FNDC3A: variants seen among roughly 807,000 people sequenced by gnomAD.
FNDC3A encodes fibronectin type-III domain-containing protein 3A.
FNDC3A carries 32 observed loss-of-function variants against 148.9 expected under a neutral mutation model. The ratio of observed to expected loss-of-function variants is 0.21; its 90% CI spans 0.16 to 0.29. The LOEUF (loss-of-function observed/expected upper bound fraction) is 0.29, where lower values mean the gene tolerates loss of function less well. Ranked by LOEUF, FNDC3A falls within the 10% of genes least tolerant of loss-of-function variation. The pLI, the probability that FNDC3A is intolerant of heterozygous loss-of-function variation, is 1.00. For synonymous variants in FNDC3A, 472 were observed against 473.6 expected (o/e 1.00, Z 0.04); for missense variants, 1,191 against 1,452.8 (o/e 0.82, Z 2.93).
intron 8 of FNDC3A, among the ~76,000 whole-genome samples, chr13:49,162,344 C>A (rs61192069): frequency 6.6e-6 from 1 of 152,136 alleles, no homozygotes; most frequent in Non-Finnish European, 1.5e-5. Context: ...CTTCTCACTT[C>A]ATTTCATTAA....
intron 23 of FNDC3A, among the ~76,000 whole-genome samples, chr13:49,200,726 G>T (rs1886383291): frequency 6.6e-6 from 1 of 152,004 alleles, no homozygotes; most frequent in South Asian, 2.1e-4. Context: ...GCCTTTGGTT[G>T]TGGAAAATAA....
chr13:48,990,240 C>A (rs1287535342), intron 1 of FNDC3A, among the ~76,000 whole-genome samples: 2 of 151,652 alleles, frequency 1.3e-5, no homozygotes, highest in South Asian at 4.2e-4. Flanking sequence ...ATAAAGATTT[C>A]AAATATACAA....
At chr13:49,016,309 A>G (rs1224951452) in intron 2 of FNDC3A, among the ~76,000 whole-genome samples, 5 of 152,032 alleles carry the variant, frequency 3.3e-5, no homozygotes, top group African/African-American at 1.2e-4. Context: ...CAGAGATTCA[A>G]CTTCTTCCTG....
intron 2 of FNDC3A, among the ~76,000 whole-genome samples, chr13:49,053,013 T>G (rs931498030): frequency 2.6e-5 from 4 of 152,100 alleles, no homozygotes; most frequent in African/African-American, 7.2e-5. Context: ...AAGCCGGCAC[T>G]CACAGGCCTC....
intron 2 of FNDC3A, among the ~76,000 whole-genome samples, chr13:49,054,087 G>A (rs1475163060): frequency 6.6e-6 from 1 of 152,056 alleles, no homozygotes; most frequent in Non-Finnish European, 1.5e-5. Flanking sequence ...AACTCCAAAG[G>A]GAGGAGAGTA....
At chr13:49,076,261 T>C (rs746254875) in intron 3 of FNDC3A, among the ~76,000 whole-genome samples, 1 of 152,076 alleles carries the variant, frequency 6.6e-6, no homozygotes, top group Non-Finnish European at 1.5e-5. Flanking sequence ...CTTTTTTTTT[T>C]TGAGACAGAA....
intron 2 of FNDC3A, among the ~76,000 whole-genome samples, chr13:49,067,942 C>G (rs148106584): frequency 6.4e-4 from 97 of 152,036 alleles, no homozygotes; most frequent in African/African-American, 2.0e-3. Flanking sequence ...AGATGGAATG[C>G]TTTAAAAATT....
In FNDC3A at chr13:49,197,952, T is replaced by C. The variant is rs781256297; in HGVS notation, c.2491-30T>C. On this transcript the variant is annotated intron_variant, in intron 21 of 25. Coordinates refer to ENST00000492622, the MANE Select transcript of FNDC3A (RefSeq NM_001079673.2). The stretch of plus-strand genomic sequence containing the variant: ...ATTGGCATTTTCATGGTCATGACTT[T>C]GTTAACTCGGAGGCTCTGTTAATTT... 2.2e-5 allele frequency: 35 copies of C among 1,598,798 alleles called. 1 individual carries two copies. In the Admixed American group the frequency reaches 6.2e-4, roughly 28 times the overall value.
At chr13:49,032,861 T>C (rs1874227194) in intron 2 of FNDC3A, among the ~76,000 whole-genome samples, 1 of 152,218 alleles carries the variant, frequency 6.6e-6, no homozygotes, top group African/African-American at 2.4e-5. Context: ...CTTTACAGGG[T>C]AAATTTTATT....
chr13:49,038,505 T>C (rs781712154), intron 2 of FNDC3A, among the ~76,000 whole-genome samples: 10 of 152,172 alleles, frequency 6.6e-5, no homozygotes, highest in Non-Finnish European at 1.3e-4. Context: ...GGAGAAAGAC[T>C]ACGGAGGAAA....
rs1385298749 is a variant in FNDC3A at position 49,198,144 on chromosome 13, C to G, written c.2653C>G (p.Pro885Ala). ...STCLAISWEKPCDHGSEILAY... is the reference protein window; with the variant it reads ...STCLAISWEKACDHGSEILAY... Reference sequence around the variant, plus strand: ...ATGCCTTGCAATAAGCTGGGAAAAGCCTTGTGATCATGGTTCGGAAATCCT... The same window carrying G: ...ATGCCTTGCAATAAGCTGGGAAAAGGCTTGTGATCATGGTTCGGAAATCCT... Residue 885 changes from proline to alanine, a missense_variant, in exon 22 of 26, where the codon CCT (proline) becomes GCT (alanine). Around this residue, in one of 3 missense-constraint regions of FNDC3A, gnomAD observed 751 missense variants for 944.0 expected, o/e 0.80. Transcript: ENST00000492622. 1 of 1,614,156 alleles carries G rather than the reference C, an allele frequency of 6.2e-7. No individual in the cohort carries two copies. Among genetic ancestry groups the G allele is most frequent in the Non-Finnish European group, 8.5e-7 (1 of 1,180,002 alleles).
intron 1 of FNDC3A, among the ~76,000 whole-genome samples, chr13:48,982,987 T>C (rs560691907): frequency 1.0e-3 from 153 of 152,184 alleles, no homozygotes; most frequent in Non-Finnish European, 1.3e-3. Context: ...ATCTAGAACT[T>C]TGACAGACAT....
At chr13:49,074,250 C>G (rs953402246) in intron 2 of FNDC3A, among the ~76,000 whole-genome samples, 1 of 152,090 alleles carries the variant, frequency 6.6e-6, no homozygotes, top group Admixed American at 6.6e-5. Flanking sequence ...TCCTCACCTC[C>G]CCGCATCCCG....
At chr13:49,126,261 G>GT (rs967854634) in intron 4 of FNDC3A, among the ~76,000 whole-genome samples, 20 of 148,098 alleles carry the variant, frequency 1.4e-4, no homozygotes, top group African/African-American at 4.5e-4. Context: ...AGGTTTGGGG[G>GT]TTTTTTTTGT....
chr13:49,183,498 T>C (rs1885407364), intron 14 of FNDC3A, among the ~76,000 whole-genome samples: 1 of 152,222 alleles, frequency 6.6e-6, no homozygotes, highest in African/African-American at 2.4e-5. Flanking sequence ...GATTATCTTT[T>C]TGACTTTATA....
intron 23 of FNDC3A, among the ~76,000 whole-genome samples, chr13:49,200,756 G>A (rs745615569): frequency 1.2e-4 from 18 of 151,910 alleles, no homozygotes; most frequent in Non-Finnish European, 2.5e-4. Context: ...AACCTTTTAT[G>A]ATACTGTTAA....
At chr13:48,995,711 G>A (rs1593449275) in intron 1 of FNDC3A, among the ~76,000 whole-genome samples, 2 of 152,264 alleles carry the variant, frequency 1.3e-5, no homozygotes, top group East Asian at 3.9e-4. Context: ...CTGCAGTACA[G>A]TTGACATCAA....
chr13:49,003,299 A>G (rs1307614072), intron 1 of FNDC3A, among the ~76,000 whole-genome samples: 1 of 152,136 alleles, frequency 6.6e-6, no homozygotes. Flanking sequence ...TCCTGACCTC[A>G]AGTGATGTGC....
chr13:49,119,000 C>T (rs1471453532), intron 4 of FNDC3A, among the ~76,000 whole-genome samples: 1 of 152,236 alleles, frequency 6.6e-6, no homozygotes, highest in Non-Finnish European at 1.5e-5. Flanking sequence ...AGCTCCCAAG[C>T]TCTGCTAAGG....
Sources: gnomAD v4.1 joint callset for allele counts (sites outside exome capture counted in the v4.1 genomes callset) on GRCh38, gnomAD v4.1.1 for gene constraint, gnomAD v4.1.1 regional missense constraint, MANE v1.5 for transcripts, NCBI Gene and HGNC (gene_info 2026-07-23, HGNC 2026-07-21) for gene names.